TAFA5: variants seen among roughly 807,000 people sequenced by gnomAD.
TAFA5 encodes chemokine-like protein TAFA-5.
TAFA5 carries 6 observed loss-of-function variants against 15.3 expected under a neutral mutation model. The observed-to-expected ratio is 0.39, with a 90% CI of 0.21 to 0.77. TAFA5 has a LOEUF of 0.77. TAFA5 is among the 30% of genes least tolerant of loss of function. TAFA5 has a pLI of 0.41. For synonymous variants in TAFA5, 103 were observed against 80.7 expected, an observed-to-expected ratio of 1.28 and a Z score of -1.48; for missense variants, 161 against 193.1, an observed-to-expected ratio of 0.83 and a Z score of 0.98.
chr22:48,678,560 G>A lies in TAFA5; in HGVS notation c.263-29157G>A, dbSNP rs1375384022. Reference sequence around the variant, plus strand: ...GAGAGCTGGAGCAGGAAGAGGTCGGGGAGCCGCGTGTGTGACCTAAGCAGG... The same window carrying A: ...GAGAGCTGGAGCAGGAAGAGGTCGGAGAGCCGCGTGTGTGACCTAAGCAGG... On this transcript the variant is annotated intron_variant, in intron 2 of 3. Coordinates refer to ENST00000402357, the MANE Select transcript of TAFA5 (RefSeq NM_001082967.3). 2.0e-5 allele frequency among the ~76,000 whole-genome samples: 3 copies of A among 151,512 alleles called. No individual in the cohort carries two copies. In the East Asian group the frequency reaches 5.8e-4, roughly 29 times the overall value.
intron 2 of TAFA5, among the ~76,000 whole-genome samples, chr22:48,696,895 G>A (rs1489233268): frequency 6.6e-6 from 1 of 152,238 alleles, no homozygotes; most frequent in Admixed American, 6.5e-5. Context: ...CGAGGAGGGA[G>A]CTCCCGTCTC....
intron 1 of TAFA5, among the ~76,000 whole-genome samples, chr22:48,632,448 C>T (rs1481641709): frequency 2.6e-5 from 4 of 152,198 alleles, no homozygotes; most frequent in Non-Finnish European, 1.5e-5. Flanking sequence ...GGGTGGGGTC[C>T]AGAGTTACAC....
intron 1 of TAFA5, among the ~76,000 whole-genome samples, chr22:48,602,147 C>T (rs1924997903): frequency 6.6e-6 from 1 of 152,238 alleles, no homozygotes; most frequent in African/African-American, 2.4e-5. Context: ...CCTCCCTCCT[C>T]CGCATCTTCC....
chr22:48,494,546 A>G (rs1894541), intron 1 of TAFA5, among the ~76,000 whole-genome samples: 121,246 of 152,224 alleles, frequency 0.8, 48,908 homozygotes, highest in African/African-American at 0.9. Flanking sequence ...GTTGGTGCAG[A>G]TGCAGGGGGC....
At chr22:48,719,141 C>T (rs1198875326) in intron 3 of TAFA5, among the ~76,000 whole-genome samples, 3 of 152,244 alleles carry the variant, frequency 2.0e-5, no homozygotes, top group Non-Finnish European at 2.9e-5. Flanking sequence ...GCAGACATTC[C>T]TCTCGCCAGG....
chr22:48,667,264 G>A (rs894852592), intron 2 of TAFA5, among the ~76,000 whole-genome samples: 3 of 141,140 alleles, frequency 2.1e-5, no homozygotes, highest in Non-Finnish European at 3.1e-5. Flanking sequence ...TAAGAGCCAC[G>A]CGCTCCTGGC....
chr22:48,536,064 G>A (rs902383917), intron 1 of TAFA5, among the ~76,000 whole-genome samples: 1 of 152,230 alleles, frequency 6.6e-6, no homozygotes, highest in Non-Finnish European at 1.5e-5. Flanking sequence ...GAGCTGCACC[G>A]CCGCTTGGTG....
intron 1 of TAFA5, among the ~76,000 whole-genome samples, chr22:48,584,050 C>G (rs537156606): frequency 1.3e-5 from 2 of 148,610 alleles, no homozygotes; most frequent in South Asian, 4.3e-4. Flanking sequence ...AAATACACCA[C>G]ATACACCACA....
intron 2 of TAFA5, among the ~76,000 whole-genome samples, chr22:48,670,581 G>C (rs888914576): frequency 1.5e-4 from 23 of 152,240 alleles, no homozygotes; most frequent in Admixed American, 1.1e-3. Flanking sequence ...CATCGGTGGA[G>C]GTGGGGGAAG....
At chr22:48,604,760 T>C (rs926877579) in intron 1 of TAFA5, among the ~76,000 whole-genome samples, 3 of 152,084 alleles carry the variant, frequency 2.0e-5, no homozygotes, top group African/African-American at 7.2e-5. Context: ...AACAGGAATT[T>C]GGGGAGGATT....
In TAFA5 at chr22:48,638,247, A is replaced by G. The variant is rs530480790; in HGVS notation, c.113-8350A>G. On this transcript the variant is annotated intron_variant, in intron 1 of 3. Transcript: ENST00000402357. ...ACACGTGTCTTAGACCCCCGACACT[A>G]AGCCCTGGGTCACCACACACAGGCA... 8.0e-4 allele frequency among the ~76,000 whole-genome samples: 122 copies of G among 151,706 alleles called. 3 individuals are homozygous for G. The highest frequency in any genetic ancestry group is 3.4e-3 in the Middle Eastern group (1 of 294).
intron 1 of TAFA5, among the ~76,000 whole-genome samples, chr22:48,521,098 C>T (rs1005837536): frequency 2.0e-5 from 3 of 152,192 alleles, no homozygotes; most frequent in Admixed American, 6.5e-5. Context: ...CGGCCGTAAC[C>T]GTGCAGGATC....
chr22:48,569,619 T>G (rs1923516140), intron 1 of TAFA5, among the ~76,000 whole-genome samples: 2 of 152,190 alleles, frequency 1.3e-5, no homozygotes, highest in Non-Finnish European at 2.9e-5. Flanking sequence ...GAAGCCACTG[T>G]GCGTTGCCAT....
At chr22:48,589,554 C>T (rs1924484797) in intron 1 of TAFA5, among the ~76,000 whole-genome samples, 1 of 152,132 alleles carries the variant, frequency 6.6e-6, no homozygotes, top group Admixed American at 6.6e-5. Flanking sequence ...AAAGACAGAG[C>T]CACCTGGAAA....
chr22:48,750,149 T>C lies in TAFA5; in HGVS notation c.*302T>C, dbSNP rs1183393513. The C allele has an allele frequency of 4.3e-6, 2 of 463,348 alleles. No homozygotes were observed. Among genetic ancestry groups the C allele is most frequent in the African/African-American group, 4.0e-5 (2 of 49,806 alleles). 28.7% of individuals were successfully genotyped at this position (463,348 alleles called of 1,614,324 possible). A position where few individuals can be genotyped will look rare whatever the true frequency, so the allele number is the denominator to read the frequency against. On this transcript the variant is annotated 3_prime_UTR_variant, in exon 4 of 4. Coordinates refer to ENST00000402357, the MANE Select transcript of TAFA5 (RefSeq NM_001082967.3). Reference sequence around the variant, plus strand: ...GCCGACCGTGGCGTTGGCCCTGCTGTCCTCAGAGGAGGAGGAGGAGGAGGC... The same window carrying C: ...GCCGACCGTGGCGTTGGCCCTGCTGCCCTCAGAGGAGGAGGAGGAGGAGGC...
chr22:48,580,577 A>G (rs915532277), intron 1 of TAFA5, among the ~76,000 whole-genome samples: 4 of 152,172 alleles, frequency 2.6e-5, no homozygotes, highest in Admixed American at 6.5e-5. Context: ...CAGAGCAGCA[A>G]GGCTGTTCTT....
chr22:48,748,658 G>A (rs555122278), intron 3 of TAFA5, among the ~76,000 whole-genome samples: 2 of 152,306 alleles, frequency 1.3e-5, no homozygotes, highest in African/African-American at 4.8e-5. Flanking sequence ...ATGACAAGGT[G>A]ACGGCAAGGT....
intron 1 of TAFA5, among the ~76,000 whole-genome samples, chr22:48,568,061 C>G (rs1043612239): frequency 1.3e-5 from 2 of 152,202 alleles, no homozygotes; most frequent in Non-Finnish European, 2.9e-5. Flanking sequence ...TCTGGGTACG[C>G]CAAAGCAGGT....
intron 1 of TAFA5, among the ~76,000 whole-genome samples, chr22:48,609,916 T>C (rs1295425256): frequency 2.6e-5 from 4 of 152,258 alleles, no homozygotes; most frequent in South Asian, 2.1e-4. Context: ...CCTAACCTCC[T>C]CTTGTAGTGA....
Sources: allele counts gnomAD v4.1 joint callset (sites outside exome capture counted in the v4.1 genomes callset), GRCh38; gene constraint gnomAD v4.1.1; transcripts MANE v1.5; gene names NCBI Gene and HGNC (gene_info 2026-07-23, HGNC 2026-07-21).